CADM2: variants seen among roughly 807,000 people sequenced by gnomAD.
CADM2 encodes immunoglobulin superfamily member 4D.
Under a neutral mutation model 49.8 loss-of-function variants are expected in CADM2, and 12 were observed. That is an observed-to-expected ratio of 0.24 (90% CI 0.15 to 0.39). The LOEUF is 0.39. Among genes scored for constraint, CADM2 ranks in the 10% least tolerant of loss-of-function variants. The probability of loss-of-function intolerance (pLI) is 1.00; values close to 1 mark genes in which losing one functional copy is unlikely to be tolerated. For missense variants in CADM2, 378 were observed against 492.3 expected (o/e 0.77, Z 2.20); for synonymous variants, 214 against 175.4 (o/e 1.22, Z -1.74).
chr3:84,964,165 T>G (rs2030793050), intron 1 of CADM2, among the ~76,000 whole-genome samples: 1 of 152,330 alleles, frequency 6.6e-6, no homozygotes, highest in East Asian at 1.9e-4. Flanking sequence ...CATTAGAAGA[T>G]AAGACATTTG....
chr3:85,088,710 T>C (rs1031898565), intron 1 of CADM2, among the ~76,000 whole-genome samples: 3 of 152,162 alleles, frequency 2.0e-5, no homozygotes, highest in African/African-American at 7.2e-5. Flanking sequence ...AGACCTATTA[T>C]GAATTATTTA....
At chr3:85,231,528 G>C (rs964529766) in intron 1 of CADM2, among the ~76,000 whole-genome samples, 1 of 151,184 alleles carries the variant, frequency 6.6e-6, no homozygotes, top group Non-Finnish European at 1.5e-5. Flanking sequence ...AGATATTATA[G>C]TCAATATTTC....
chr3:85,394,336 C>G (rs980058330), intron 1 of CADM2, among the ~76,000 whole-genome samples: 3 of 151,972 alleles, frequency 2.0e-5, no homozygotes, highest in Non-Finnish European at 4.4e-5. Context: ...TTCCAAACCA[C>G]TAAATTATGG....
intron 1 of CADM2, among the ~76,000 whole-genome samples, chr3:85,253,780 G>T (rs916725944): frequency 6.6e-6 from 1 of 152,078 alleles, no homozygotes; most frequent in Non-Finnish European, 1.5e-5. Flanking sequence ...CTGTCAAGAA[G>T]CAGACTGGAT....
chr3:85,277,545 A>G (rs1428686077), intron 1 of CADM2, among the ~76,000 whole-genome samples: 1 of 151,456 alleles, frequency 6.6e-6, no homozygotes, highest in Non-Finnish European at 1.5e-5. Context: ...CAGATTTTGC[A>G]TCATCCTGAA....
intron 8 of CADM2, among the ~76,000 whole-genome samples, chr3:85,980,054 A>T (rs1335565033): frequency 6.6e-6 from 1 of 150,508 alleles, no homozygotes; most frequent in African/African-American, 2.4e-5. Context: ...TGAGGAAATT[A>T]AAAAAAAATG....
At chr3:85,946,328 C>A (rs911431122) in intron 7 of CADM2, among the ~76,000 whole-genome samples, 11 of 150,614 alleles carry the variant, frequency 7.3e-5, no homozygotes, top group Admixed American at 2.0e-4. Flanking sequence ...CAGGAAGAAT[C>A]AATATGGTGA....
chr3:84,992,560 C>T (rs1480092126), intron 1 of CADM2, among the ~76,000 whole-genome samples: 2 of 151,964 alleles, frequency 1.3e-5, no homozygotes, highest in East Asian at 3.9e-4. Flanking sequence ...ACCCAGGAGG[C>T]GGAGGTTGCA....
intron 1 of CADM2, among the ~76,000 whole-genome samples, chr3:84,988,013 C>T (rs1439148835): frequency 1.3e-5 from 2 of 152,146 alleles, no homozygotes; most frequent in African/African-American, 4.8e-5. Context: ...CGATTTGGAG[C>T]TGTGGCCACA....
chr3:85,612,213 A>G (rs946551037), intron 1 of CADM2, among the ~76,000 whole-genome samples: 4 of 151,850 alleles, frequency 2.6e-5, no homozygotes, highest in Admixed American at 1.3e-4. Context: ...CTCTTTTTCA[A>G]TGCAAGGAAT....
chr3:85,518,478 A>G (rs1292429723), intron 1 of CADM2, among the ~76,000 whole-genome samples: 1 of 150,348 alleles, frequency 6.7e-6, no homozygotes, highest in African/African-American at 2.5e-5. Flanking sequence ...TATTTGTTAC[A>G]TCAGCTCTCC....
chr3:86,040,790 A>G (rs1735794959), intron 8 of CADM2, among the ~76,000 whole-genome samples: 1 of 152,176 alleles, frequency 6.6e-6, no homozygotes, highest in African/African-American at 2.4e-5. Flanking sequence ...TCAGATTCAC[A>G]AAATTGAAAT....
At chr3:85,368,015 G>A (rs1026624288) in intron 1 of CADM2, among the ~76,000 whole-genome samples, 1 of 152,014 alleles carries the variant, frequency 6.6e-6, no homozygotes, top group African/African-American at 2.4e-5. Flanking sequence ...CAACGTAGAA[G>A]AAATAACTGA....
At chr3:85,522,792 G>T (rs1031608007) in intron 1 of CADM2, among the ~76,000 whole-genome samples, 7 of 151,870 alleles carry the variant, frequency 4.6e-5, no homozygotes, top group Non-Finnish European at 2.9e-5. Flanking sequence ...GAGGAATTTG[G>T]GTTTACAGAG....
intron 1 of CADM2, among the ~76,000 whole-genome samples, chr3:85,439,746 A>G (rs2037109256): frequency 6.6e-6 from 1 of 152,088 alleles, no homozygotes; most frequent in Non-Finnish European, 1.5e-5. Context: ...GATTTTATAC[A>G]AATAAAGAAT....
chr3:86,057,295 T>C (rs919252009), intron 8 of CADM2, among the ~76,000 whole-genome samples: 1 of 152,144 alleles, frequency 6.6e-6, no homozygotes, highest in African/African-American at 2.4e-5. Flanking sequence ...TTATTCTTTT[T>C]AAATAGGGGG....
At chr3:85,458,143 C>T (rs1355525676) in intron 1 of CADM2, among the ~76,000 whole-genome samples, 1 of 152,152 alleles carries the variant, frequency 6.6e-6, no homozygotes, top group Non-Finnish European at 1.5e-5. Flanking sequence ...TTATACCTCT[C>T]TTGTGGCACA....
chr3:85,525,706 A>G (rs2061145001), intron 1 of CADM2, among the ~76,000 whole-genome samples: 1 of 152,100 alleles, frequency 6.6e-6, no homozygotes, highest in South Asian at 2.1e-4. Flanking sequence ...GTGTCAACTT[A>G]ATTTATTCTC....
intron 1 of CADM2, among the ~76,000 whole-genome samples, chr3:85,306,558 T>A (rs1392410544): frequency 2.0e-5 from 3 of 151,860 alleles, no homozygotes; most frequent in East Asian, 3.9e-4. Flanking sequence ...CTTTAAGATG[T>A]GATGAAACTC....
Sources: allele counts gnomAD v4.1 joint callset (sites outside exome capture counted in the v4.1 genomes callset), GRCh38; gene constraint gnomAD v4.1.1; transcripts MANE v1.5; gene names NCBI Gene and HGNC (gene_info 2026-07-23, HGNC 2026-07-21).